The following VAV2 variants were observed in gnomAD, a reference collection of about 807,000 sequenced individuals.
VAV2 encodes the protein guanine nucleotide exchange factor VAV2.
Under a neutral mutation model 132.5 loss-of-function variants are expected in VAV2, and 67 were observed. The ratio of observed to expected loss-of-function variants is 0.51; its 90% CI spans 0.42 to 0.62. VAV2 has a LOEUF of 0.62. Among genes scored for constraint, VAV2 ranks in the 20% least tolerant of loss-of-function variants. The pLI is 0.00. For synonymous variants in VAV2, 492 were observed against 443.5 expected, an observed-to-expected ratio of 1.11 and a Z score of -1.37; for missense variants, 938 against 1,153.6, an observed-to-expected ratio of 0.81 and a Z score of 2.71.
At chr9:133,915,008 G>A (rs563762930) in intron 2 of VAV2, among the ~76,000 whole-genome samples, 1 of 152,156 alleles carries the variant, frequency 6.6e-6, no homozygotes, top group Non-Finnish European at 1.5e-5. Context: ...AAGGACCTGG[G>A]AGGGAGCAGG....
intron 10 of VAV2, 118 bp downstream of exon 10, chr9:133,797,592 C>T: frequency 1.2e-6 from 1 of 855,486 alleles, no homozygotes; most frequent in Non-Finnish European, 1.8e-6. Flanking sequence ...ATTACGTCAT[C>T]ACCCCCATCA....
At position 133,788,710 on chromosome 9, in the gene VAV2, G is replaced by A. The variant is rs531835793; in HGVS notation, c.1275-224C>T. ...CTTGGCTCCCTACCCCCGTGACTGAGGCTGTGCCAGGAGCCCTTCAAGGGG... is the reference window on the plus strand; with the variant it reads ...CTTGGCTCCCTACCCCCGTGACTGAAGCTGTGCCAGGAGCCCTTCAAGGGG... On this transcript the variant is annotated intron_variant, in intron 14 of 29. Transcript: ENST00000371850. The surrounding 1 kb of genome is among the most constrained non-coding windows in gnomAD (Gnocchi z 5.3). 1.2e-4 allele frequency among the ~76,000 whole-genome samples: 19 copies of A among 152,232 alleles called. No individual in the cohort carries two copies. The highest frequency in any genetic ancestry group is 4.6e-4 in the African/African-American group (19 of 41,546).
chr9:133,836,136 G>A (rs1314741038), intron 3 of VAV2, among the ~76,000 whole-genome samples: 4 of 152,186 alleles, frequency 2.6e-5, no homozygotes, highest in Non-Finnish European at 4.4e-5. Flanking sequence ...CCCATGATAT[G>A]CAGAGCCCCA....
At chr9:133,848,789 T>C (rs932158680) in intron 3 of VAV2, among the ~76,000 whole-genome samples, 1 of 152,198 alleles carries the variant, frequency 6.6e-6, no homozygotes, top group Non-Finnish European at 1.5e-5. Context: ...CCTGAACTCC[T>C]GGCAGCCCAT....
chr9:133,903,642 TG>T (rs1326344129), intron 2 of VAV2, among the ~76,000 whole-genome samples: 1 of 152,192 alleles, frequency 6.6e-6, no homozygotes, highest in African/African-American at 2.4e-5. Flanking sequence ...GAGGCTCACC[TG>T]GTTTTGAACC....
intron 3 of VAV2, among the ~76,000 whole-genome samples, chr9:133,839,473 C>G (rs933448019): frequency 6.9e-6 from 1 of 144,240 alleles, no homozygotes; most frequent in East Asian, 2.0e-4. Flanking sequence ...TTTTTTGAGA[C>G]GGAGTCTCAC....
At position 133,974,468 on chromosome 9, in the gene VAV2, G is replaced by T. The variant is rs528302418; in HGVS notation, c.204+17607C>A. Among the ~76,000 whole-genome samples, 94 of 152,256 alleles carry T rather than the reference G, an allele frequency of 6.2e-4. No homozygotes were observed. In the Middle Eastern group the frequency reaches 0.014, roughly 22 times the overall value. The stretch of plus-strand genomic sequence containing the variant: ...GTCACATCAGCAGTGGTCTCCGTTT[G>T]CTACCTGCTTTTGCGCTGGGCCAAA... On this transcript the variant is annotated intron_variant, in intron 1 of 29. Transcript: ENST00000371850.
chr9:133,940,847 A>T (rs957596508), intron 1 of VAV2, among the ~76,000 whole-genome samples: 31 of 152,104 alleles, frequency 2.0e-4, no homozygotes, highest in Admixed American at 9.8e-4. Context: ...CATGGACACC[A>T]CACGGTTATC....
rs542493406 is a variant in VAV2, at chr9:133,802,522, G to T, written c.836+3559C>A. ...AGGTCTCAGTGTGGTCACCTTGCAA[G>T]GCACGGCCCGCCGTGTCCAGCATCC... On this transcript the variant is annotated intron_variant, in intron 9 of 29. Coordinates refer to ENST00000371850, the MANE Select transcript of VAV2 (RefSeq NM_001134398.2). The surrounding 1 kb of genome is among the most constrained non-coding windows in gnomAD (Gnocchi z 5.8). 3.3e-5 allele frequency among the ~76,000 whole-genome samples: 5 copies of T among 152,030 alleles called. 1 individual carries two copies. The South Asian group carries it at 1.0e-3, about 32-fold the overall frequency.
intron 2 of VAV2, among the ~76,000 whole-genome samples, chr9:133,870,931 AGTGGATGGATGGGCAGATGGGTAGACGG>A (rs1838006636): frequency 1.8e-5 from 1 of 54,548 alleles, no homozygotes; most frequent in Non-Finnish European, 3.4e-5. Context: ...TGGATGGATG[AGTGGATGGATGGGCAGATGGGTAGACGG>A]GTGGGTGGGT....
intron 1 of VAV2, among the ~76,000 whole-genome samples, chr9:133,965,622 A>T (rs1490204624): frequency 1.3e-5 from 2 of 152,150 alleles, no homozygotes; most frequent in African/African-American, 2.4e-5. Flanking sequence ...AACACTGATT[A>T]AAAAAATTCA....
At chr9:133,810,385 C>T (rs1419978632) in intron 5 of VAV2, among the ~76,000 whole-genome samples, 180 bp from the exon 6 acceptor site, 1 of 152,224 alleles carries the variant, frequency 6.6e-6, no homozygotes, top group Non-Finnish European at 1.5e-5. Flanking sequence ...CCAGAGCTCC[C>T]ATAGCAGCCC....
chr9:133,810,174 C>T lies in VAV2; in HGVS notation c.567+17G>A, dbSNP rs778860748. ...CGCAGGCAGGACGTCCCCAGCCTCCCCTTCCGGGCCACTCACCTGCATGTA... is the reference window on the plus strand; with the variant it reads ...CGCAGGCAGGACGTCCCCAGCCTCCTCTTCCGGGCCACTCACCTGCATGTA... On this transcript the variant is annotated intron_variant, in intron 6 of 29. Coordinates refer to ENST00000371850, the MANE Select transcript of VAV2 (RefSeq NM_001134398.2). 9.9e-6 allele frequency: 16 copies of T among 1,613,174 alleles called. No individual in the cohort carries two copies. The Admixed American group carries it at 2.5e-4, about 25-fold the overall frequency.
chr9:133,769,309 T>C lies in VAV2; in HGVS notation c.2434+108A>G, dbSNP rs983486882. On this transcript the variant is annotated intron_variant, in intron 28 of 29. Coordinates refer to ENST00000371850, the MANE Select transcript of VAV2 (RefSeq NM_001134398.2). The surrounding 1 kb of genome is among the most constrained non-coding windows in gnomAD (Gnocchi z 8.1). ...CACCCAGTGCCAGACTGCGGACAAC[T>C]GTGGCCACGTCAGGCAGGGCTGTGG... is the stretch of plus-strand genomic sequence containing the variant. 34 of 1,207,960 alleles carry C rather than the reference T, an allele frequency of 2.8e-5. No homozygotes were observed. The highest frequency in any genetic ancestry group is 1.1e-4 in the African/African-American group (7 of 64,900). 74.8% of individuals were successfully genotyped at this position (1,207,960 alleles called of 1,614,324 possible).
intron 4 of VAV2, among the ~76,000 whole-genome samples, chr9:133,832,174 C>G (rs1463220401): frequency 1.3e-5 from 2 of 152,198 alleles, no homozygotes; most frequent in African/African-American, 4.8e-5. Context: ...AGGCATTTAA[C>G]CCCCTAATCA....
intron 2 of VAV2, among the ~76,000 whole-genome samples, chr9:133,924,839 G>C (rs185482061): frequency 2.0e-5 from 3 of 152,368 alleles, no homozygotes; most frequent in African/African-American, 7.2e-5. Context: ...CAGGTGCATA[G>C]ATGGACAAGC....
intron 1 of VAV2, among the ~76,000 whole-genome samples, chr9:133,941,356 C>T (rs1390729193): frequency 4.6e-5 from 7 of 151,232 alleles, no homozygotes; most frequent in South Asian, 2.1e-4. Context: ...TGCAGTGAGC[C>T]GAGATCGCAC....
intron 3 of VAV2, among the ~76,000 whole-genome samples, chr9:133,846,672 C>T (rs1323805781): frequency 1.3e-5 from 2 of 152,220 alleles, no homozygotes; most frequent in Non-Finnish European, 2.9e-5. Context: ...CCAGCCAGGG[C>T]ATGGCCTCCT....
Position 133,834,986 on chromosome 9 carries a change from T to C in VAV2, c.381-646A>G, listed in dbSNP as rs1836410020. ...GGTCTCCCCAGAAGGAACGCGGCGG[T>C]GCTCCCCCACACTCCGCCCTCCAGA... On this transcript the variant is annotated intron_variant, in intron 3 of 29. Coordinates refer to ENST00000371850, the MANE Select transcript of VAV2 (RefSeq NM_001134398.2). This position sits in a 1 kb window ranked among gnomAD's most constrained non-coding sequence, Gnocchi z 5.9. 6.6e-6 allele frequency among the ~76,000 whole-genome samples: 1 copy of C among 152,118 alleles called. No individual in the cohort carries two copies. Among genetic ancestry groups the C allele is most frequent in the Non-Finnish European group, 1.5e-5 (1 of 68,008 alleles).
Sources: allele counts gnomAD v4.1 joint callset (sites outside exome capture counted in the v4.1 genomes callset), GRCh38; gene constraint gnomAD v4.1.1; non-coding constraint Gnocchi (gnomAD v3.1); transcripts MANE v1.5; gene names NCBI Gene and HGNC (gene_info 2026-07-23, HGNC 2026-07-21).